CALB2: variants seen among roughly 807,000 people sequenced by gnomAD.
The protein encoded by CALB2 is calretinin.
CALB2 carries 34 observed loss-of-function variants against 45.9 expected under a neutral mutation model. The ratio of observed to expected loss-of-function variants is 0.74; its 90% CI spans 0.56 to 0.99. CALB2 has a LOEUF of 0.99. Among genes scored for constraint, CALB2 ranks in the 50% least tolerant of loss-of-function variants. The pLI is 0.00. For missense variants in CALB2, 344 were observed against 339.3 expected (o/e 1.01, Z -0.11); for synonymous variants, 142 against 129.6 (o/e 1.10, Z -0.65).
chr16:71,365,731 A>T (rs1227476687), intron 1 of CALB2, among the ~76,000 whole-genome samples: 3 of 152,066 alleles, frequency 2.0e-5, no homozygotes, highest in Non-Finnish European at 4.4e-5. Context: ...ATCCTACTGA[A>T]TTAGGATCTC....
intron 1 of CALB2, among the ~76,000 whole-genome samples, chr16:71,366,523 G>T (rs140571042): frequency 8.8e-4 from 132 of 150,828 alleles, no homozygotes; most frequent in Non-Finnish European, 1.6e-3. Flanking sequence ...TAGAGATGGG[G>T]TTTCACCATG....
intron 10 of CALB2, among the ~76,000 whole-genome samples, chr16:71,387,704 G>A (rs374137021): frequency 4.6e-5 from 7 of 152,274 alleles, no homozygotes; most frequent in African/African-American, 1.4e-4. Flanking sequence ...TAAGTCTCTC[G>A]CTGCCACAGT....
chr16:71,383,461 G>T lies in CALB2; in HGVS notation c.477+17G>T. 1.2e-6 allele frequency: 2 copies of T among 1,612,190 alleles called. No individual in the cohort carries two copies. Among genetic ancestry groups the T allele is most frequent in the Non-Finnish European group, 1.7e-6 (2 of 1,178,440 alleles). On this transcript the variant is annotated intron_variant, in intron 6 of 10. Transcript: ENST00000302628. ...CAAACCATAGTGAGTGAACAGAAGTGTCCCTCTCCCCCAGGGTGCAGGACT... is the reference window on the plus strand; with the variant it reads ...CAAACCATAGTGAGTGAACAGAAGTTTCCCTCTCCCCCAGGGTGCAGGACT...
intron 1 of CALB2, among the ~76,000 whole-genome samples, chr16:71,359,619 T>C (rs545055501): frequency 6.6e-6 from 1 of 152,264 alleles, no homozygotes; most frequent in African/African-American, 2.4e-5. Context: ...CTGCTCTGTG[T>C]GGTCTTGACA....
intron 3 of CALB2, among the ~76,000 whole-genome samples, chr16:71,376,238 G>A (rs1265289475): frequency 3.9e-5 from 6 of 152,266 alleles, no homozygotes; most frequent in Admixed American, 1.3e-4. Context: ...AGTGGGTGTG[G>A]CCACGTCTTA....
rs1265122609 is a variant in CALB2, at chr16:71,377,753, G to A, written c.342+6G>A. 1 of 1,609,498 alleles carries A rather than the reference G, an allele frequency of 6.2e-7. No individual in the cohort carries two copies. Among genetic ancestry groups the A allele is most frequent in the Non-Finnish European group, 8.5e-7 (1 of 1,175,964 alleles). ...CCAGCGCCGAGTTTATGGAGGTGAG[G>A]CCAAGGCACCACCTTCTTTCTAAGC... On this transcript the variant is annotated splice_donor_region_variant and intron_variant, in intron 4 of 10. Coordinates refer to ENST00000302628, the MANE Select transcript of CALB2 (RefSeq NM_001740.5).
chr16:71,385,534 C>A (rs1470094660), intron 9 of CALB2, 43 bp from the exon 10 acceptor site: 3 of 1,590,442 alleles, frequency 1.9e-6, no homozygotes, highest in East Asian at 4.5e-5. Context: ...ACAGCAGGGG[C>A]CCAGGCTTTA....
chr16:71,384,440 T>G, intron 8 of CALB2, 62 bp downstream of exon 8: 9 of 1,345,852 alleles, frequency 6.7e-6, no homozygotes, highest in Non-Finnish European at 9.4e-6. Flanking sequence ...CCCTGCACCC[T>G]CCTTCCCCCA....
chr16:71,358,792 C>T lies in CALB2; in HGVS notation c.-1C>T. ...AGGCTGAGGTCTCCGAGCGGCTCGC[C>T]ATGGCTGGCCCGCAGCAGCAGCCCC... On this transcript the variant is annotated 5_prime_UTR_variant, in exon 1 of 11. Transcript: ENST00000302628. 3 of 1,603,906 alleles carry T rather than the reference C, an allele frequency of 1.9e-6. No individual in the cohort carries two copies. Among genetic ancestry groups the T allele is most frequent in the South Asian group, 1.1e-5 (1 of 89,184 alleles).
chr16:71,379,706 CCTCT>C (rs941870969), intron 4 of CALB2, among the ~76,000 whole-genome samples: 3 of 152,170 alleles, frequency 2.0e-5, no homozygotes, highest in Non-Finnish European at 2.9e-5. Context: ...CCGGTAATCC[CCTCT>C]CTGTGATCCA....
intron 1 of CALB2, 36 bp from the exon 2 acceptor site, chr16:71,372,117 A>C: frequency 7.8e-7 from 1 of 1,275,526 alleles, no homozygotes; most frequent in East Asian, 2.6e-5. Context: ...CTTACTATTT[A>C]GTGCTGAGAT....
rs148902885 is a variant in CALB2 at position 71,376,616 on chromosome 16, C to A, written c.262-1051C>A. ...ACATCCAATCACATGTACCCACATC[C>A]ATCCACATGCACCCACATGCAACCA... On this transcript the variant is annotated intron_variant, in intron 3 of 10. Coordinates refer to ENST00000302628, the MANE Select transcript of CALB2 (RefSeq NM_001740.5). Among the ~76,000 whole-genome samples, 471 of 152,252 alleles carry A rather than the reference C, an allele frequency of 3.1e-3. 4 individuals carry two copies. Among genetic ancestry groups the A allele is most frequent in the African/African-American group, 0.011 (445 of 41,532 alleles).
chr16:71,381,882 G>A (rs886426443), intron 4 of CALB2, among the ~76,000 whole-genome samples: 1 of 151,884 alleles, frequency 6.6e-6, no homozygotes, highest in Non-Finnish European at 1.5e-5. Context: ...GCGTGTGGTG[G>A]TGCACGCCTG....
Position 71,378,000 on chromosome 16 carries a change from A to T in CALB2, c.342+253A>T, listed in dbSNP as rs533345544. On this transcript the variant is annotated intron_variant, in intron 4 of 10. Coordinates refer to ENST00000302628, the MANE Select transcript of CALB2 (RefSeq NM_001740.5). ...CACTTTGGGAGGCCGAGGCAGGCGG[A>T]TCACCTGAGGTCAGGGGTTCGAGAC... is the stretch of plus-strand genomic sequence containing the variant. 3.4e-4 allele frequency among the ~76,000 whole-genome samples: 52 copies of T among 152,368 alleles called. No individual in the cohort carries two copies. The South Asian group carries it at 3.5e-3, about 10-fold the overall frequency.
At chr16:71,384,582 C>T (rs984851376) in intron 8 of CALB2, among the ~76,000 whole-genome samples, 2 of 95,962 alleles carry the variant, frequency 2.1e-5, no homozygotes, top group African/African-American at 3.4e-5. Flanking sequence ...ACAACACACG[C>T]AGACCACACA....
rs76754736 is a variant in CALB2 at position 71,378,928 on chromosome 16, G to T, written c.342+1181G>T. 7.1e-3 allele frequency among the ~76,000 whole-genome samples: 1,085 copies of T among 152,270 alleles called. 6 individuals carry two copies. Among genetic ancestry groups the T allele is most frequent in the Middle Eastern group, 0.034 (10 of 294 alleles). ...AGTCCAGTGAGGATTCCAGTTTTTG[G>T]TATCTTCCACGTTTCATCTTTGACT... is the stretch of plus-strand genomic sequence containing the variant. On this transcript the variant is annotated intron_variant, in intron 4 of 10. Transcript: ENST00000302628.
chr16:71,389,721 G>C (rs1348601824), intron 10 of CALB2, 28 bp from the exon 11 acceptor site: 1 of 1,562,824 alleles, frequency 6.4e-7, no homozygotes, highest in Admixed American at 1.7e-5. Flanking sequence ...CCCTGAACCT[G>C]CTCTTACCCT....
chr16:71,360,233 G>A (rs2042224926), intron 1 of CALB2, among the ~76,000 whole-genome samples: 2 of 152,198 alleles, frequency 1.3e-5, no homozygotes, highest in African/African-American at 4.8e-5. Flanking sequence ...AGAGTGCTAT[G>A]GGGAGGCAGG....
At chr16:71,368,348 A>C (rs1270230861) in intron 1 of CALB2, among the ~76,000 whole-genome samples, 1 of 152,148 alleles carries the variant, frequency 6.6e-6, no homozygotes, top group Non-Finnish European at 1.5e-5. Flanking sequence ...TGTCTCTACC[A>C]AAAACAAACA....
Sources: gnomAD v4.1 joint callset for allele counts (sites outside exome capture counted in the v4.1 genomes callset) on GRCh38, gnomAD v4.1.1 for gene constraint, MANE v1.5 for transcripts, NCBI Gene and HGNC (gene_info 2026-07-23, HGNC 2026-07-21) for gene names.